Variants in PXMP4 observed in about 807,000 individuals in gnomAD.
The protein encoded by PXMP4 is peroxisomal membrane protein 4, also known as 24 kDa peroxisomal intrinsic membrane protein.
In PXMP4, 16 loss-of-function variants were observed where a neutral mutation model predicts 21.6. The ratio of observed to expected loss-of-function variants is 0.74; its 90% CI spans 0.50 to 1.13. PXMP4 has a LOEUF of 1.13. Among genes scored for constraint, PXMP4 ranks in the 50% most tolerant of loss-of-function variants. The probability of loss-of-function intolerance (pLI) is 0.00; values close to 1 mark genes in which losing one functional copy is unlikely to be tolerated. For missense variants in PXMP4, 240 were observed against 277.7 expected, an observed-to-expected ratio of 0.86 and a Z score of 0.96; for synonymous variants, 127 against 123.8, an observed-to-expected ratio of 1.03 and a Z score of -0.17.
chr20:33,719,589 T>C lies in PXMP4; in HGVS notation c.113+506A>G, dbSNP rs1456978689. On this transcript the variant is annotated intron_variant, in intron 1 of 3. Transcript: ENST00000409299. ...ATAGTTGCAGCTTCTTTTACATTCATTGTCACGTCCCAGGAGCCCCCTGAG... is the reference window on the plus strand; with the variant it reads ...ATAGTTGCAGCTTCTTTTACATTCACTGTCACGTCCCAGGAGCCCCCTGAG... Among the ~76,000 whole-genome samples, 3 of 152,168 alleles carry C rather than the reference T, an allele frequency of 2.0e-5. No homozygotes were observed. In the East Asian group the frequency reaches 5.8e-4, roughly 29 times the overall value.
Position 33,704,262 on chromosome 20 carries a change from T to G in PXMP4, c.*3444A>C, listed in dbSNP as rs554671833. On this transcript the variant is annotated 3_prime_UTR_variant, in exon 4 of 4. Transcript: ENST00000409299. Reference sequence around the variant, plus strand: ...CCCATCAAGGCGTGACGGGAGACAGTGACAGATCATCAGGCATTAGATTCT... The same window carrying G: ...CCCATCAAGGCGTGACGGGAGACAGGGACAGATCATCAGGCATTAGATTCT... The G allele has an allele frequency of 4.1e-4, 64 of 157,244 alleles. 1 individual carries two copies. The South Asian group carries it at 0.013, about 31-fold the overall frequency. The allele number at this position is 157,244 out of a possible 1,614,324, so 9.7% of individuals were successfully genotyped here.
In PXMP4 at chr20:33,706,342, G is replaced by C. The variant is rs895182415; in HGVS notation, c.*1364C>G. 6.6e-6 allele frequency: 1 copy of C among 151,738 alleles called. No individual in the cohort carries two copies. The highest frequency in any genetic ancestry group is 2.1e-4 in the South Asian group (1 of 4,804). 9.4% of individuals were successfully genotyped at this position (151,738 alleles called of 1,614,324 possible). A position where few individuals can be genotyped will look rare whatever the true frequency, so the allele number is the denominator to read the frequency against. Reference sequence around the variant, plus strand: ...GGCAGTGGCTCATGCCTGTAATCATGGCACTTTGGGAGACTGAGGCAGGAA... The same window carrying C: ...GGCAGTGGCTCATGCCTGTAATCATCGCACTTTGGGAGACTGAGGCAGGAA... On this transcript the variant is annotated 3_prime_UTR_variant, in exon 4 of 4. Transcript: ENST00000409299.
At chr20:33,713,650 A>C (rs973843949) in intron 2 of PXMP4, among the ~76,000 whole-genome samples, 3 of 152,224 alleles carry the variant, frequency 2.0e-5, no homozygotes, top group Non-Finnish European at 4.4e-5. Context: ...GCAGATGCTC[A>C]ATAAATATCT....
intron 1 of PXMP4, among the ~76,000 whole-genome samples, chr20:33,715,013 G>A (rs943003339): frequency 1.3e-5 from 2 of 152,136 alleles, no homozygotes; most frequent in Non-Finnish European, 2.9e-5. Context: ...CTCCCAGGCT[G>A]GTGTGCAGTG....
chr20:33,720,183 C>T lies in PXMP4; in HGVS notation c.25G>A (p.Ala9Thr), dbSNP rs530980590. The change falls in exon 1 of 4, where the codon GCT becomes ACT. Residue 9 changes from alanine to threonine, a missense_variant. By Grantham distance (58) the Ala-to-Thr change is moderately conservative (BLOSUM62 0). Coordinates refer to ENST00000409299, the MANE Select transcript of PXMP4 (RefSeq NM_007238.5). MAAPPQLRALLVVVNALLR... is the reference protein window; with the variant it reads MAAPPQLRTLLVVVNALLR... ...AGTGCGTTGACGACTACGAGCAGAG[C>T]CCTTAGCTGCGGCGGGGCTGCCATA... 17 of 1,612,724 alleles carry T rather than the reference C, an allele frequency of 1.1e-5. No homozygotes were observed. Among genetic ancestry groups the T allele is most frequent in the Middle Eastern group, 1.7e-4 (1 of 6,060 alleles).
intron 1 of PXMP4, among the ~76,000 whole-genome samples, chr20:33,717,633 C>A (rs1408832819): frequency 1.5e-5 from 1 of 65,016 alleles, no homozygotes; most frequent in Admixed American, 1.4e-4. Flanking sequence ...GAGCGAGACT[C>A]CGTCTCAAAA....
chr20:33,719,796 G>A (rs537253343), intron 1 of PXMP4, among the ~76,000 whole-genome samples: 6 of 152,322 alleles, frequency 3.9e-5, no homozygotes, highest in Admixed American at 3.3e-4. Context: ...AGAGAGGTGA[G>A]GTGAACTGAA....
rs1292227486 is a variant in PXMP4 at position 33,714,686 on chromosome 20, AAG to A, written c.162_163del (p.Phe55ProfsTer66). 1.2e-6 allele frequency: 2 copies of A among 1,613,924 alleles called. No homozygotes were observed. The highest frequency in any genetic ancestry group is 2.7e-5 in the African/African-American group (2 of 74,898). On this transcript the variant is annotated frameshift_variant, in exon 2 of 4. Coordinates refer to ENST00000409299, the MANE Select transcript of PXMP4 (RefSeq NM_007238.5). LOFTEE classifies it high-confidence loss of function. ...GAGGGATGTGTACCTGCCATTCCGG[AAG>A]AGAAAGGTCATGACCAGCGCGTGAG...
intron 3 of PXMP4, among the ~76,000 whole-genome samples, chr20:33,709,336 A>G (rs1034188769): frequency 6.6e-6 from 1 of 152,212 alleles, no homozygotes. Flanking sequence ...ACTAGCTTTT[A>G]GTCTCTTATT....
At chr20:33,713,372 T>A (rs1047695830) in intron 2 of PXMP4, among the ~76,000 whole-genome samples, 1 of 152,140 alleles carries the variant, frequency 6.6e-6, no homozygotes, top group African/African-American at 2.4e-5. Context: ...GACAACTCTG[T>A]CTCCTTCAAG....
At chr20:33,710,481 GCCC>G (rs2018314391) in intron 3 of PXMP4, 71 bp downstream of exon 3, 1 of 366,496 alleles carries the variant, frequency 2.7e-6, no homozygotes, top group African/African-American at 3.7e-5. Context: ...ACTGAACCAC[GCCC>G]CCTTCTGTCA....
At position 33,715,673 on chromosome 20, in the gene PXMP4, C is replaced by T. The variant is rs145659040; in HGVS notation, c.114-937G>A. 2.4e-3 allele frequency among the ~76,000 whole-genome samples: 358 copies of T among 151,990 alleles called. 2 individuals are homozygous for T. The highest frequency in any genetic ancestry group is 8.4e-3 in the African/African-American group (349 of 41,448). On this transcript the variant is annotated intron_variant, in intron 1 of 3. Coordinates refer to ENST00000409299, the MANE Select transcript of PXMP4 (RefSeq NM_007238.5). ...AACTCCTGAGCTCAGGTGATCTGCC[C>T]GCCTTGGCCTCCTAAAGTGCTGGGA... is the stretch of plus-strand genomic sequence containing the variant.
rs2018244807 is a variant in PXMP4 at position 33,705,144 on chromosome 20, C to T, written c.*2562G>A. 6.6e-6 allele frequency: 1 copy of T among 151,830 alleles called. No homozygotes were observed. The allele number at this position is 151,830 out of a possible 1,614,324, so 9.4% of individuals were successfully genotyped here. ...AGCTGGAATTACAGGTGCCTGCCAC[C>T]ATGTCCAGCTAATTTTTGTATTTTT... On this transcript the variant is annotated 3_prime_UTR_variant, in exon 4 of 4. Coordinates refer to ENST00000409299, the MANE Select transcript of PXMP4 (RefSeq NM_007238.5).
At chr20:33,714,410 T>C (rs1405425613) in intron 2 of PXMP4, among the ~76,000 whole-genome samples, 4 of 151,908 alleles carry the variant, frequency 2.6e-5, no homozygotes, top group Non-Finnish European at 4.4e-5. Flanking sequence ...TCCCAGCTAC[T>C]CAGGAGACTG....
intron 3 of PXMP4, among the ~76,000 whole-genome samples, chr20:33,709,188 G>A (rs1462439162): frequency 6.6e-6 from 1 of 152,130 alleles, no homozygotes; most frequent in East Asian, 1.9e-4. Context: ...CAGCTACTTG[G>A]GAGGCTGAGA....
At chr20:33,708,981 T>C (rs2018293517) in intron 3 of PXMP4, among the ~76,000 whole-genome samples, 1 of 152,182 alleles carries the variant, frequency 6.6e-6, no homozygotes, top group Admixed American at 6.5e-5. Flanking sequence ...GCTGCCAACT[T>C]TTCAGGTTTC....
rs2018396012 is a variant in PXMP4, at chr20:33,717,591, G to A, written c.113+2504C>T. Reference sequence around the variant, plus strand: ...GGAGGCGGAGCTTGCAGTGAGCCGAGATCGCGCCACTGCACTCCAGCCTGG... The same window carrying A: ...GGAGGCGGAGCTTGCAGTGAGCCGAAATCGCGCCACTGCACTCCAGCCTGG... On this transcript the variant is annotated intron_variant, in intron 1 of 3. Transcript: ENST00000409299. 3.0e-5 allele frequency among the ~76,000 whole-genome samples: 4 copies of A among 131,892 alleles called. No individual in the cohort carries two copies. The South Asian group carries it at 7.5e-4, about 25-fold the overall frequency. 86.5% of individuals were successfully genotyped at this position (131,892 alleles called of 152,430 possible).
chr20:33,714,586 G>A, intron 2 of PXMP4, 88 bp downstream of exon 2: 2 of 1,299,178 alleles, frequency 1.5e-6, no homozygotes, highest in South Asian at 1.2e-5. Context: ...CGTGATGGGG[G>A]GACAGGGTAG....
chr20:33,717,123 A>G (rs987045844), intron 1 of PXMP4, among the ~76,000 whole-genome samples: 1 of 152,106 alleles, frequency 6.6e-6, no homozygotes, highest in African/African-American at 2.4e-5. Flanking sequence ...GGCTGCAGCG[A>G]GTTAAGATCG....
Sources: allele counts gnomAD v4.1 joint callset (sites outside exome capture counted in the v4.1 genomes callset), GRCh38; gene constraint gnomAD v4.1.1; transcripts MANE v1.5; gene names NCBI Gene and HGNC (gene_info 2026-07-23, HGNC 2026-07-21).